The following CACNA1C variants were observed in gnomAD, a reference collection of about 807,000 sequenced individuals.
CACNA1C encodes calcium voltage-gated channel subunit alpha1 C, also known as voltage-dependent L-type calcium channel subunit alpha-1C.
A neutral mutation model predicts 229.0 loss-of-function variants in CACNA1C; 30 were observed. The observed-to-expected ratio is 0.13, with a 90% CI of 0.10 to 0.18. The LOEUF (loss-of-function observed/expected upper bound fraction) is 0.18, where lower values mean the gene tolerates loss of function less well. CACNA1C is among the 10% of genes least tolerant of loss of function. The probability of loss-of-function intolerance (pLI) is 1.00; values close to 1 mark genes in which losing one functional copy is unlikely to be tolerated. For synonymous variants in CACNA1C, 1,114 were observed against 1,132.5 expected (o/e 0.98, Z 0.33); for missense variants, 1,658 against 2,845.0 (o/e 0.58, Z 9.49).
chr12:2,589,276 A>G (rs183935693), intron 18 of CACNA1C, among the ~76,000 whole-genome samples: 2 of 152,376 alleles, frequency 1.3e-5, no homozygotes, highest in Non-Finnish European at 2.9e-5. Context: ...GTGACATCAC[A>G]TGATGTGAAG....
chr12:2,366,591 C>T (rs1047065143), intron 3 of CACNA1C, among the ~76,000 whole-genome samples: 13 of 152,124 alleles, frequency 8.5e-5, no homozygotes, highest in East Asian at 3.9e-4. Context: ...GCTTTTAATA[C>T]GTATAAAGGT....
At chr12:2,000,758 C>T (rs943599535) in intron 1 of CACNA1C, among the ~76,000 whole-genome samples, 13 of 152,140 alleles carry the variant, frequency 8.5e-5, no homozygotes, top group Admixed American at 8.5e-4. Context: ...ATAACCAGGC[C>T]GGGCACAGGG....
intron 1 of CACNA1C, among the ~76,000 whole-genome samples, chr12:2,021,676 A>G (rs2046475601): frequency 6.6e-6 from 1 of 152,004 alleles, no homozygotes; most frequent in Non-Finnish European, 1.5e-5. Flanking sequence ...GAGAAACTCC[A>G]TCTAAAAAAA....
At chr12:2,095,646 G>A (rs948181695) in intron 1 of CACNA1C, among the ~76,000 whole-genome samples, 1 of 152,266 alleles carries the variant, frequency 6.6e-6, no homozygotes, top group South Asian at 2.1e-4. Context: ...GGCTAGGCAG[G>A]GTCGGATACC....
intron 9 of CACNA1C, among the ~76,000 whole-genome samples, chr12:2,528,606 C>T (rs2099832453): frequency 6.6e-6 from 1 of 152,218 alleles, no homozygotes; most frequent in Non-Finnish European, 1.5e-5. Flanking sequence ...TGCCATGTGC[C>T]AATCACGGAG....
chr12:2,320,280 A>G (rs549277592), intron 3 of CACNA1C, among the ~76,000 whole-genome samples: 85 of 152,334 alleles, frequency 5.6e-4, no homozygotes, highest in African/African-American at 1.8e-3. Context: ...AGGCTGACAG[A>G]GCAGCCTGCA....
chr12:2,600,140 G>A (rs1000730131), intron 21 of CACNA1C, among the ~76,000 whole-genome samples: 2 of 152,132 alleles, frequency 1.3e-5, no homozygotes, highest in African/African-American at 4.8e-5. Context: ...GAAGTACTGG[G>A]CTTTCTGCAG....
At chr12:2,399,355 C>G (rs182829737) in intron 3 of CACNA1C, among the ~76,000 whole-genome samples, 1 of 152,150 alleles carries the variant, frequency 6.6e-6, no homozygotes, top group African/African-American at 2.4e-5. Flanking sequence ...GGTTCTTGTC[C>G]GGGATCTAGG....
At chr12:2,290,733 C>G (rs2093403705) in intron 3 of CACNA1C, among the ~76,000 whole-genome samples, 1 of 152,106 alleles carries the variant, frequency 6.6e-6, no homozygotes, top group Non-Finnish European at 1.5e-5. Context: ...CACTCTGTGT[C>G]TTAGAGATGA....
intron 9 of CACNA1C, among the ~76,000 whole-genome samples, chr12:2,531,193 A>T (rs551968977): frequency 3.9e-5 from 6 of 152,348 alleles, no homozygotes; most frequent in African/African-American, 1.4e-4. Context: ...CCAGTTCGCT[A>T]ACAGGAGGTT....
At chr12:2,658,519 T>G (rs1279851473) in intron 34 of CACNA1C, among the ~76,000 whole-genome samples, 2 of 152,240 alleles carry the variant, frequency 1.3e-5, no homozygotes, top group Non-Finnish European at 2.9e-5. Context: ...CATACAATTA[T>G]GTACAGTACA....
intron 29 of CACNA1C, chr12:2,614,071 A>G (rs1192697580): frequency 1.3e-5 from 2 of 152,176 alleles, no homozygotes; most frequent in African/African-American, 4.8e-5. Flanking sequence ...AGTGCATGAA[A>G]TTGACACCTG....
In CACNA1C at chr12:2,450,371, G is replaced by T. The variant is rs537266687; in HGVS notation, c.617+1256G>T. 9.4e-4 allele frequency among the ~76,000 whole-genome samples: 143 copies of T among 151,430 alleles called. 3 individuals carry two copies. In the South Asian group the frequency reaches 0.029, roughly 31 times the overall value. ...AGATCGAGACCATCCTGGCTAACAC[G>T]GTGAAACCCCGTCTCTACTAAAAAT... On this transcript the variant is annotated intron_variant, in intron 4 of 46. Coordinates refer to ENST00000399655, the MANE Select transcript of CACNA1C (RefSeq NM_000719.7).
At position 2,677,701 on chromosome 12, in the gene CACNA1C, G is replaced by A. The variant is rs79058062; in HGVS notation, c.4957-32G>A. ...CTGGGGAGCTTGGAGGAAAGGGAGC[G>A]TGGTCCTCACCATCCTCCCCTTGGA... On this transcript the variant is annotated intron_variant, in intron 40 of 46. Transcript: ENST00000399655. This position sits in a 1 kb window ranked among gnomAD's most constrained non-coding sequence, Gnocchi z 7.4. 478 of 1,602,334 alleles carry A rather than the reference G, an allele frequency of 3.0e-4. 7 individuals are homozygous for A. The East Asian group carries it at 7.9e-3, about 27-fold the overall frequency.
intron 29 of CACNA1C, among the ~76,000 whole-genome samples, chr12:2,618,742 A>T (rs1157650324): frequency 6.6e-6 from 1 of 152,246 alleles, no homozygotes. Context: ...TTAAAAGCTC[A>T]GTCAAGGACC....
At chr12:2,200,977 GA>G (rs1253107511) in intron 3 of CACNA1C, among the ~76,000 whole-genome samples, 1 of 152,172 alleles carries the variant, frequency 6.6e-6, no homozygotes, top group African/African-American at 2.4e-5. Flanking sequence ...ACATCTGTTT[GA>G]AAAACCATTA....
chr12:2,127,410 A>T (rs2090534253), intron 3 of CACNA1C, among the ~76,000 whole-genome samples: 1 of 152,242 alleles, frequency 6.6e-6, no homozygotes, highest in South Asian at 2.1e-4. Flanking sequence ...GCTTTCATGC[A>T]TCAACAATAA....
At chr12:2,357,962 C>T (rs2097429528) in intron 3 of CACNA1C, among the ~76,000 whole-genome samples, 1 of 116,124 alleles carries the variant, frequency 8.6e-6, no homozygotes, top group African/African-American at 3.4e-5. Context: ...AAGAGTGAAA[C>T]TCAGTCTCAA....
chr12:2,264,166 G>A (rs2081398743), intron 3 of CACNA1C, among the ~76,000 whole-genome samples: 1 of 152,208 alleles, frequency 6.6e-6, no homozygotes, highest in Non-Finnish European at 1.5e-5. Context: ...TAGGGGTAGG[G>A]TGAGGACCCC....
Sources: allele counts gnomAD v4.1 joint callset (sites outside exome capture counted in the v4.1 genomes callset), GRCh38; gene constraint gnomAD v4.1.1; non-coding constraint Gnocchi (gnomAD v3.1); transcripts MANE v1.5; gene names NCBI Gene and HGNC (gene_info 2026-07-23, HGNC 2026-07-21).